Variants in PCSK6 observed in about 807,000 individuals in gnomAD.
PCSK6 encodes paired basic amino acid cleaving enzyme 4.
A neutral mutation model predicts 123.3 loss-of-function variants in PCSK6; 85 were observed. That is an observed-to-expected ratio of 0.69 (90% CI 0.58 to 0.83). The LOEUF (loss-of-function observed/expected upper bound fraction) is 0.83. PCSK6 is among the 40% of genes least tolerant of loss of function. The pLI is 0.00. For synonymous variants in PCSK6, 508 were observed against 516.0 expected, an observed-to-expected ratio of 0.98 and a Z score of 0.21; for missense variants, 1,191 against 1,282.3, an observed-to-expected ratio of 0.93 and a Z score of 1.09.
intron 18 of PCSK6, among the ~76,000 whole-genome samples, chr15:101,322,237 GA>G (rs1467120421): frequency 6.6e-6 from 1 of 152,196 alleles, no homozygotes; most frequent in Non-Finnish European, 1.5e-5. Context: ...GTGCTGGAGC[GA>G]AAGGAGGCGG....
intron 20 of PCSK6, among the ~76,000 whole-genome samples, chr15:101,310,665 G>A (rs1448122508): frequency 1.3e-5 from 2 of 152,142 alleles, no homozygotes; most frequent in African/African-American, 4.8e-5. Flanking sequence ...GCCGAGATAC[G>A]TAACCGCCAC....
rs141479119 is a variant in PCSK6 at position 101,310,884 on chromosome 15, G to A, written c.2699+2492C>T. Among the ~76,000 whole-genome samples, 19 of 152,296 alleles carry A rather than the reference G, an allele frequency of 1.2e-4. No individual in the cohort carries two copies. The East Asian group carries it at 3.7e-3, about 29-fold the overall frequency. ...CCCCTGCTCTGACACAAGCCTTTGA[G>A]GGCTCCCTCATTTTCAGTCTTTTTC... is the stretch of plus-strand genomic sequence containing the variant. On this transcript the variant is annotated intron_variant, in intron 20 of 21. Coordinates refer to ENST00000611716, the MANE Select transcript of PCSK6 (RefSeq NM_002570.5).
chr15:101,443,640 G>A lies in PCSK6; in HGVS notation c.318C>T (p.Tyr106=). 1 of 1,613,648 alleles carries A rather than the reference G, an allele frequency of 6.2e-7. No homozygotes were observed. Among genetic ancestry groups the A allele is most frequent in the Non-Finnish European group, 8.5e-7 (1 of 1,179,568 alleles). ...AGGTTTTGCTGTGATAAAAATGGTA[G>A]TAATCTTCCAGGTTTCCAATCTGCA... The part of the protein sequence containing the change: ...NLGQIGNLED[Y]YHFYHSKTFK... Residue 106 remains tyrosine, a synonymous_variant, in exon 2 of 22, where the codon TAC becomes TAT. Transcript: ENST00000611716.
chr15:101,454,630 A>T (rs1321578118), intron 1 of PCSK6, among the ~76,000 whole-genome samples: 1 of 151,956 alleles, frequency 6.6e-6, no homozygotes, highest in African/African-American at 2.4e-5. Flanking sequence ...AGGAGTGGGG[A>T]GTTGGTGTGT....
intron 1 of PCSK6, among the ~76,000 whole-genome samples, chr15:101,455,320 T>C (rs1009764048): frequency 6.6e-6 from 1 of 152,234 alleles, no homozygotes; most frequent in South Asian, 2.1e-4. Flanking sequence ...AGCACGGCAG[T>C]GCTGCCCAGC....
chr15:101,329,312 G>A (rs1007327749), intron 15 of PCSK6, among the ~76,000 whole-genome samples: 22 of 152,202 alleles, frequency 1.4e-4, no homozygotes, highest in African/African-American at 5.1e-4. Context: ...ACCAACTGCC[G>A]ATGGACAGGA....
At chr15:101,344,270 C>G (rs1259162340) in intron 13 of PCSK6, among the ~76,000 whole-genome samples, 1 of 152,088 alleles carries the variant, frequency 6.6e-6, no homozygotes, top group Admixed American at 6.6e-5. Context: ...TTGTCATTTT[C>G]TCTTTGTAGT....
At chr15:101,315,339 T>C (rs994157574) in intron 19 of PCSK6, among the ~76,000 whole-genome samples, 3 of 152,228 alleles carry the variant, frequency 2.0e-5, no homozygotes, top group Non-Finnish European at 4.4e-5. Flanking sequence ...AGCGACCTAT[T>C]TTCTCAACTA....
chr15:101,310,333 C>T (rs2039826645), intron 20 of PCSK6, among the ~76,000 whole-genome samples: 1 of 152,140 alleles, frequency 6.6e-6, no homozygotes, highest in Non-Finnish European at 1.5e-5. Flanking sequence ...GGTGGGGCTG[C>T]CCGCCTGCTG....
rs190251685 is a variant in PCSK6, at chr15:101,336,046, T to C, written c.1859-4015A>G. ...TGCAATGACTATTGAATATGGGGTC[T>C]GCTACTGATGGAAATGTCATTTTGC... On this transcript the variant is annotated intron_variant, in intron 13 of 21. Transcript: ENST00000611716. Among the ~76,000 whole-genome samples, 11 of 152,354 alleles carry C rather than the reference T, an allele frequency of 7.2e-5. No homozygotes were observed. The South Asian group carries it at 1.2e-3, about 17-fold the overall frequency.
At chr15:101,361,507 G>A (rs1474215868) in intron 13 of PCSK6, among the ~76,000 whole-genome samples, 1 of 152,176 alleles carries the variant, frequency 6.6e-6, no homozygotes. Flanking sequence ...GCCATGGGAA[G>A]CCCTAGGGAC....
intron 11 of PCSK6, among the ~76,000 whole-genome samples, chr15:101,373,307 C>G (rs571718537): frequency 6.6e-6 from 1 of 152,312 alleles, no homozygotes; most frequent in Admixed American, 6.5e-5. Context: ...TTACCTTCAC[C>G]TGGGGGCTAG....
At chr15:101,313,804 A>C (rs2141340152) in intron 19 of PCSK6, 1 of 307,714 alleles carries the variant, frequency 3.2e-6, no homozygotes, top group East Asian at 6.1e-5. Flanking sequence ...GCCTAGGCCC[A>C]CCTCTGCTCC....
chr15:101,347,217 C>G lies in PCSK6; in HGVS notation c.1859-15186G>C, dbSNP rs560549139. ...CTGTCTTCCTTTCTAGCATCAAGCA[C>G]AGGATAGATTGAGCCATCGAACACA... On this transcript the variant is annotated intron_variant, in intron 13 of 21. Coordinates refer to ENST00000611716, the MANE Select transcript of PCSK6 (RefSeq NM_002570.5). The G allele has an allele frequency of 6.5e-6, 8 of 1,231,904 alleles. No individual in the cohort carries two copies. The South Asian group carries it at 3.3e-4, about 51-fold the overall frequency. 76.3% of individuals were successfully genotyped at this position (1,231,904 alleles called of 1,614,324 possible). A position where few individuals can be genotyped will look rare whatever the true frequency, so the allele number is the denominator to read the frequency against.
intron 6 of PCSK6, among the ~76,000 whole-genome samples, chr15:101,400,182 A>T (rs966275808): frequency 6.6e-6 from 1 of 152,066 alleles, no homozygotes; most frequent in African/African-American, 2.4e-5. Flanking sequence ...ACACCACTGC[A>T]CCTGGCTGGT....
At chr15:101,437,141 T>C (rs1219536694) in intron 2 of PCSK6, among the ~76,000 whole-genome samples, 2 of 152,156 alleles carry the variant, frequency 1.3e-5, no homozygotes, top group Non-Finnish European at 2.9e-5. Flanking sequence ...TTCCCCCAAA[T>C]GGCTAAGAAC....
chr15:101,356,678 A>AAAATAAATAAAT (rs201547509), intron 13 of PCSK6, among the ~76,000 whole-genome samples: 5 of 142,954 alleles, frequency 3.5e-5, no homozygotes, highest in African/African-American at 5.2e-5. Context: ...AGACTGTCTC[A>AAAATAAATAAAT]AAATAAATAA....
chr15:101,315,325 T>C (rs2039963852), intron 19 of PCSK6, among the ~76,000 whole-genome samples: 2 of 152,356 alleles, frequency 1.3e-5, no homozygotes, highest in Middle Eastern at 3.4e-3. Context: ...GGGTTGATTT[T>C]CTAAGCGACC....
At position 101,381,054 on chromosome 15, in the gene PCSK6, C is replaced by T. The variant is rs989589838; in HGVS notation, c.1532+1038G>A. Among the ~76,000 whole-genome samples, 8 of 145,770 alleles carry T rather than the reference C, an allele frequency of 5.5e-5. No homozygotes were observed. In the Admixed American group the frequency reaches 5.5e-4, roughly 10 times the overall value. On this transcript the variant is annotated intron_variant, in intron 11 of 21. Coordinates refer to ENST00000611716, the MANE Select transcript of PCSK6 (RefSeq NM_002570.5). ...TGCTTTCTGATTTACTTTATGGCTG[C>T]TTTTTTTTTTTTAAATAAAAATTTT...
Sources: allele counts gnomAD v4.1 joint callset (sites outside exome capture counted in the v4.1 genomes callset), GRCh38; gene constraint gnomAD v4.1.1; transcripts MANE v1.5; gene names NCBI Gene and HGNC (gene_info 2026-07-23, HGNC 2026-07-21).